The following SYN3 variants were observed in gnomAD, a reference collection of about 807,000 sequenced individuals.
The protein encoded by SYN3 is synapsin III.
In SYN3, 35 loss-of-function variants were observed where a neutral mutation model predicts 65.8. That is an observed-to-expected ratio of 0.53 (90% confidence interval 0.41 to 0.70). The LOEUF (loss-of-function observed/expected upper bound fraction) is 0.70. Ranked by LOEUF, SYN3 falls within the 30% of genes least tolerant of loss-of-function variation. The probability of loss-of-function intolerance (pLI) is 0.00; values close to 1 mark genes in which losing one functional copy is unlikely to be tolerated. For synonymous variants in SYN3, 270 were observed against 292.9 expected (o/e 0.92, Z 0.80); for missense variants, 680 against 749.0 (o/e 0.91, Z 1.08).
chr22:32,874,512 C>T (rs1442449646), intron 4 of SYN3, among the ~76,000 whole-genome samples: 1 of 152,242 alleles, frequency 6.6e-6, no homozygotes, highest in Non-Finnish European at 1.5e-5. Flanking sequence ...GGTGAAGTGA[C>T]TCTTAACCAT....
chr22:32,685,576 T>A (rs2060578887), intron 6 of SYN3, among the ~76,000 whole-genome samples: 1 of 152,202 alleles, frequency 6.6e-6, no homozygotes, highest in Admixed American at 6.6e-5. Context: ...TATTCAGTAG[T>A]ACATAGCATG....
chr22:32,922,220 C>G (rs1243413112), intron 4 of SYN3, among the ~76,000 whole-genome samples: 1 of 152,204 alleles, frequency 6.6e-6, no homozygotes, highest in Non-Finnish European at 1.5e-5. Flanking sequence ...TTAAGCAGCT[C>G]TGCCCCTTGC....
At chr22:32,613,206 T>A (rs958476602) in intron 6 of SYN3, among the ~76,000 whole-genome samples, 14 of 152,016 alleles carry the variant, frequency 9.2e-5, no homozygotes, top group Non-Finnish European at 2.1e-4. Flanking sequence ...TAAAAAATTT[T>A]AATTAATTTT....
At position 32,891,977 on chromosome 22, in the gene SYN3, C is replaced by CTAATAA. The variant is rs57171093; in HGVS notation, c.462-22858_462-22853dup. 5.9e-3 allele frequency among the ~76,000 whole-genome samples: 868 copies of CTAATAA among 148,286 alleles called. 11 individuals carry two copies. Among genetic ancestry groups the CTAATAA allele is most frequent in the South Asian group, 0.019 (87 of 4,646 alleles). On this transcript the variant is annotated intron_variant, in intron 4 of 13. Transcript: ENST00000358763. ...GTATTGTTTCAAGATTCCTTTTTAGCTAATAATAATAATAATAATAATAAT... is the reference window on the plus strand; with the variant it reads ...GTATTGTTTCAAGATTCCTTTTTAGCTAATAATAATAATAATAATAATAATAATAAT...
At chr22:32,606,959 T>C (rs1324862937) in intron 6 of SYN3, among the ~76,000 whole-genome samples, 1 of 151,950 alleles carries the variant, frequency 6.6e-6, no homozygotes, top group Non-Finnish European at 1.5e-5. Context: ...GCTGCACCCA[T>C]TAACTCGTCA....
chr22:32,607,449 C>T (rs534030642), intron 6 of SYN3, among the ~76,000 whole-genome samples: 1 of 152,300 alleles, frequency 6.6e-6, no homozygotes, highest in East Asian at 1.9e-4. Context: ...TCCTGCCTGC[C>T]TTCTTCATCC....
chr22:32,764,528 G>A (rs3788505), intron 6 of SYN3, among the ~76,000 whole-genome samples: 68,690 of 152,004 alleles, frequency 0.45, 16,257 homozygotes, highest in East Asian at 0.55. Flanking sequence ...GATCAGAAAC[G>A]CAGCAGAAGG....
At chr22:32,700,141 T>A (rs184955880) in intron 6 of SYN3, among the ~76,000 whole-genome samples, 30 of 152,272 alleles carry the variant, frequency 2.0e-4, no homozygotes, top group Admixed American at 3.3e-4. Flanking sequence ...TTCCTCTTTT[T>A]AAAATAGGCT....
chr22:33,021,199 CG>C (rs149301374), intron 1 of SYN3, among the ~76,000 whole-genome samples: 2,004 of 152,286 alleles, frequency 0.013, 32 homozygotes, highest in African/African-American at 0.044. Context: ...ATCTAAGTCA[CG>C]GGTTCTTCAT....
intron 6 of SYN3, chr22:32,860,316 A>G (rs1031510453): frequency 1.4e-4 from 22 of 152,662 alleles, no homozygotes; most frequent in African/African-American, 5.1e-4. Flanking sequence ...ATAGCCAAGT[A>G]GATTTGGGTA....
chr22:32,670,302 A>G (rs1161507224), intron 6 of SYN3, among the ~76,000 whole-genome samples: 1 of 152,242 alleles, frequency 6.6e-6, no homozygotes, highest in Non-Finnish European at 1.5e-5. Flanking sequence ...AATACATTTC[A>G]TAAAAAGGAG....
At chr22:32,581,203 A>G (rs1475722875) in intron 7 of SYN3, among the ~76,000 whole-genome samples, 1 of 152,074 alleles carries the variant, frequency 6.6e-6, no homozygotes, top group African/African-American at 2.4e-5. Flanking sequence ...TCTGCCTCCC[A>G]GGTTCAAATA....
At chr22:32,697,148 C>T (rs938928483) in intron 6 of SYN3, among the ~76,000 whole-genome samples, 1 of 152,182 alleles carries the variant, frequency 6.6e-6, no homozygotes, top group Non-Finnish European at 1.5e-5. Context: ...AGGAGACCCT[C>T]TCCTGCTTTA....
At chr22:32,577,691 T>C (rs144063932) in intron 7 of SYN3, among the ~76,000 whole-genome samples, 61 of 152,282 alleles carry the variant, frequency 4.0e-4, no homozygotes, top group African/African-American at 1.4e-3. Context: ...GGGAGCTTAT[T>C]TCCTACCACT....
At position 32,877,258 on chromosome 22, in the gene SYN3, C is replaced by G. The variant is rs142247018; in HGVS notation, c.462-8133G>C. On this transcript the variant is annotated intron_variant, in intron 4 of 13. Transcript: ENST00000358763. ...ATTATAACTAAAACACAATGAGGCT[C>G]TAGTAAAATACCATGAGACTTCAGG... Among the ~76,000 whole-genome samples, 47 of 152,334 alleles carry G rather than the reference C, an allele frequency of 3.1e-4. 1 individual carries two copies. The highest frequency in any genetic ancestry group is 1.1e-3 in the African/African-American group (45 of 41,576).
At chr22:33,002,212 G>C (rs764232994) in intron 2 of SYN3, among the ~76,000 whole-genome samples, 1 of 152,206 alleles carries the variant, frequency 6.6e-6, no homozygotes, top group Non-Finnish European at 1.5e-5. Flanking sequence ...ATTCACACTG[G>C]ATCGGAAGAC....
At chr22:32,879,314 CA>C (rs1482860698) in intron 4 of SYN3, among the ~76,000 whole-genome samples, 6 of 152,176 alleles carry the variant, frequency 3.9e-5, no homozygotes, top group Non-Finnish European at 2.9e-5. Context: ...GTGCCAGGCA[CA>C]TTTATAGATC....
At chr22:32,748,629 T>C (rs1358780513) in intron 6 of SYN3, among the ~76,000 whole-genome samples, 6 of 152,220 alleles carry the variant, frequency 3.9e-5, no homozygotes, top group Admixed American at 6.5e-5. Flanking sequence ...TAAATAATGA[T>C]GTAACTTGGA....
At chr22:32,847,063 T>C (rs1026523391) in intron 6 of SYN3, among the ~76,000 whole-genome samples, 8 of 152,152 alleles carry the variant, frequency 5.3e-5, no homozygotes, top group Admixed American at 3.9e-4. Flanking sequence ...AAGGAATCCC[T>C]TTTGCCTTGC....
Sources: gnomAD v4.1 joint callset for allele counts (sites outside exome capture counted in the v4.1 genomes callset) on GRCh38, gnomAD v4.1.1 for gene constraint, MANE v1.5 for transcripts, NCBI Gene and HGNC (gene_info 2026-07-23, HGNC 2026-07-21) for gene names.